DMXL2: variants seen among roughly 807,000 people sequenced by gnomAD.
DMXL2 encodes the protein Dmx like 2.
Under a neutral mutation model 331.1 loss-of-function variants are expected in DMXL2, and 103 were observed. That is an observed-to-expected ratio of 0.31 (90% CI 0.27 to 0.37). The LOEUF (loss-of-function observed/expected upper bound fraction) is 0.37, where lower values mean the gene tolerates loss of function less well. Ranked by LOEUF, DMXL2 falls within the 10% of genes least tolerant of loss-of-function variation. The pLI is 1.00. For missense variants in DMXL2, 3,171 were observed against 3,642.9 expected (o/e 0.87, Z 3.33); for synonymous variants, 1,281 against 1,252.1 (o/e 1.02, Z -0.49).
chr15:51,571,934 A>G (rs1404182401), intron 2 of DMXL2, among the ~76,000 whole-genome samples: 1 of 152,190 alleles, frequency 6.6e-6, no homozygotes, highest in Admixed American at 6.5e-5. Flanking sequence ...AATAACTAAG[A>G]TCAGAGCAGA....
intron 12 of DMXL2, 45 bp from the exon 13 acceptor site, chr15:51,535,829 A>G: frequency 6.5e-7 from 1 of 1,549,734 alleles, no homozygotes; most frequent in Non-Finnish European, 8.6e-7. Context: ...CATGTAGTGT[A>G]TTTTTCTTAT....
At chr15:51,589,621 A>T (rs1281599519) in intron 1 of DMXL2, among the ~76,000 whole-genome samples, 1 of 152,190 alleles carries the variant, frequency 6.6e-6, no homozygotes, top group Non-Finnish European at 1.5e-5. Context: ...GCAGTTACTA[A>T]AGTTATCTGT....
chr15:51,573,871 A>T (rs2050839018), intron 2 of DMXL2, among the ~76,000 whole-genome samples: 1 of 152,078 alleles, frequency 6.6e-6, no homozygotes, highest in Admixed American at 6.5e-5. Context: ...TATGGGAAAA[A>T]ATCATATTTT....
Position 51,500,065 on chromosome 15 carries a change from C to T in DMXL2, c.3159G>A (p.Leu1053=). The part of the protein sequence containing the change: ...KEIYHWKRWP[L]MNDEGEDNSS... The stretch of plus-strand genomic sequence containing the variant: ...TATTATCTTCTCCTTCATCATTCAT[C>T]AAAGGCCATCTCTTCCAATGATAAA... Residue 1053 remains leucine, a synonymous_variant, in exon 18 of 44, where the codon TTG becomes TTA. Coordinates refer to ENST00000560891, the MANE Select transcript of DMXL2 (RefSeq NM_001378457.1). 2 of 1,614,148 alleles carry T rather than the reference C, an allele frequency of 1.2e-6. No homozygotes were observed. The highest frequency in any genetic ancestry group is 1.7e-6 in the Non-Finnish European group (2 of 1,180,014).
chr15:51,460,290 C>A, intron 33 of DMXL2: 2 of 985,474 alleles, frequency 2.0e-6, no homozygotes, highest in Non-Finnish European at 2.4e-6. Flanking sequence ...TTCCTCATAC[C>A]TTTTCAGGTG....
At chr15:51,461,360 C>T (rs191546614) in intron 33 of DMXL2, among the ~76,000 whole-genome samples, 1 of 151,950 alleles carries the variant, frequency 6.6e-6, no homozygotes, top group East Asian at 1.9e-4. Flanking sequence ...GTCCAAGAAA[C>T]CCAGACACCT....
rs1443446527 is a variant in DMXL2 at position 51,538,426 on chromosome 15, C to T, written c.1132G>A (p.Ala378Thr). The T allele has an allele frequency of 1.9e-6, 3 of 1,608,924 alleles. No individual in the cohort carries two copies. The highest frequency in any genetic ancestry group is 2.5e-6 in the Non-Finnish European group (3 of 1,176,734). The change falls in exon 10 of 44, where the codon GCA becomes ACA. Residue 378 changes from alanine to threonine, a missense_variant. Physicochemically the swap from Ala to Thr is moderately conservative, Grantham distance 58. Around this residue, in one of 7 missense-constraint regions of DMXL2, gnomAD observed 1,674 missense variants for 1,780.2 expected, o/e 0.94. Coordinates refer to ENST00000560891, the MANE Select transcript of DMXL2 (RefSeq NM_001378457.1). ...CCATTTCCATCATCAACATTAAATG[C>T]AGTGCCAACCAAGACATTTGGAATA... ...TDIPNVLVGTAFNVDDGNGGF... is the reference protein window; with the variant it reads ...TDIPNVLVGTTFNVDDGNGGF...
intron 25 of DMXL2, 79 bp from the exon 26 acceptor site, chr15:51,478,426 C>G: frequency 8.0e-7 from 1 of 1,247,002 alleles, no homozygotes; most frequent in South Asian, 1.3e-5. Flanking sequence ...TAGAAAACAT[C>G]CAGGAAACCT....
intron 1 of DMXL2, among the ~76,000 whole-genome samples, chr15:51,597,562 G>C (rs1440774941): frequency 6.6e-6 from 1 of 152,112 alleles, no homozygotes; most frequent in Non-Finnish European, 1.5e-5. Flanking sequence ...CTCTAATGTT[G>C]ATGGACATTT....
intron 1 of DMXL2, among the ~76,000 whole-genome samples, chr15:51,576,756 C>A (rs1375414748): frequency 6.6e-6 from 1 of 152,186 alleles, no homozygotes; most frequent in Non-Finnish European, 1.5e-5. Context: ...CTGCCTCCAA[C>A]ATCCACCATC....
rs199792179 is a variant in DMXL2 at position 51,542,286 on chromosome 15, T to C, written c.1105+47A>G. ...AAAGTAGTTCCACTTTTCTATTTAT[T>C]TACCTGACTTCAACATATTTATGGG... On this transcript the variant is annotated intron_variant, in intron 9 of 43. Transcript: ENST00000560891. 19 of 1,553,876 alleles carry C rather than the reference T, an allele frequency of 1.2e-5. No homozygotes were observed. The East Asian group carries it at 4.1e-4, about 33-fold the overall frequency.
At chr15:51,528,339 A>G (rs1347169244) in intron 13 of DMXL2, among the ~76,000 whole-genome samples, 2 of 152,164 alleles carry the variant, frequency 1.3e-5, no homozygotes, top group Non-Finnish European at 2.9e-5. Flanking sequence ...AACACACTTC[A>G]CACATAAAGA....
At chr15:51,518,738 A>C (rs905940670) in intron 13 of DMXL2, among the ~76,000 whole-genome samples, 6 of 152,096 alleles carry the variant, frequency 3.9e-5, no homozygotes, top group African/African-American at 1.4e-4. Flanking sequence ...TCACAAGAAT[A>C]GTTATGTATT....
At chr15:51,542,893 C>A (rs1255717737) in intron 8 of DMXL2, among the ~76,000 whole-genome samples, 9 of 151,460 alleles carry the variant, frequency 5.9e-5, no homozygotes. Flanking sequence ...CTCCCCAATA[C>A]TGCCTCTCAC....
intron 1 of DMXL2, among the ~76,000 whole-genome samples, chr15:51,606,935 G>T (rs575313115): frequency 6.6e-6 from 1 of 152,292 alleles, no homozygotes; most frequent in South Asian, 2.1e-4. Context: ...AAGGTGGGCA[G>T]ATCACCTGAG....
intron 1 of DMXL2, among the ~76,000 whole-genome samples, chr15:51,621,644 G>A (rs2054632886): frequency 6.6e-6 from 1 of 152,092 alleles, no homozygotes; most frequent in African/African-American, 2.4e-5. Context: ...TGAGAAACAT[G>A]TCTACTTCAT....
chr15:51,505,442 C>T (rs11637241), intron 16 of DMXL2, among the ~76,000 whole-genome samples: 2,847 of 152,274 alleles, frequency 0.019, 37 homozygotes, highest in Middle Eastern at 0.071. Flanking sequence ...TGTTACTACC[C>T]CTATAAATCT....
chr15:51,585,883 C>T (rs569954007), intron 1 of DMXL2, among the ~76,000 whole-genome samples: 2 of 152,114 alleles, frequency 1.3e-5, no homozygotes, highest in South Asian at 2.1e-4. Context: ...GTTTTTCACA[C>T]CTACAAACAA....
intron 14 of DMXL2, among the ~76,000 whole-genome samples, chr15:51,516,831 G>A (rs1248142577): frequency 1.3e-5 from 2 of 151,990 alleles, no homozygotes; most frequent in Admixed American, 6.6e-5. Flanking sequence ...CCATTATATT[G>A]CTCTGCATGC....
Sources: gnomAD v4.1 joint callset for allele counts (sites outside exome capture counted in the v4.1 genomes callset) on GRCh38, gnomAD v4.1.1 for gene constraint, gnomAD v4.1.1 regional missense constraint, MANE v1.5 for transcripts, NCBI Gene and HGNC (gene_info 2026-07-23, HGNC 2026-07-21) for gene names.